The following PCDHGA8 variants were observed in gnomAD, a reference collection of about 807,000 sequenced individuals.
The protein encoded by PCDHGA8 is protocadherin gamma subfamily A, 8, also known as protocadherin gamma-A8.
PCDHGA8 carries 45 observed loss-of-function variants against 59.2 expected under a neutral mutation model. That is an observed-to-expected ratio of 0.76 (90% CI 0.60 to 0.98). PCDHGA8 has a LOEUF of 0.98. Among genes scored for constraint, PCDHGA8 ranks in the 50% least tolerant of loss-of-function variants. PCDHGA8 has a pLI of 0.00. For synonymous variants in PCDHGA8, 531 were observed against 519.0 expected (o/e 1.02, Z -0.32); for missense variants, 1,257 against 1,196.2 (o/e 1.05, Z -0.75).
At chr5:141,475,778 T>A (rs1204790631) in intron 1 of PCDHGA8, among the ~76,000 whole-genome samples, 1 of 152,400 alleles carries the variant, frequency 6.6e-6, no homozygotes. Context: ...GCGCTTTGGC[T>A]GGAAACTCTG....
At chr5:141,496,759 C>T (rs1287940646) in intron 2 of PCDHGA8, among the ~76,000 whole-genome samples, 2 of 152,038 alleles carry the variant, frequency 1.3e-5, no homozygotes, top group South Asian at 4.2e-4. Context: ...AAATATTTAT[C>T]GAGCATCTAC....
chr5:141,419,415 C>A, intron 1 of PCDHGA8: 2 of 1,613,434 alleles, frequency 1.2e-6, no homozygotes, highest in Non-Finnish European at 1.7e-6. Flanking sequence ...GCGCAGCGCG[C>A]CTTCGACCAC....
chr5:141,398,448 G>A lies in PCDHGA8; in HGVS notation c.2424+3211G>A, dbSNP rs1213915296. On this transcript the variant is annotated intron_variant, in intron 1 of 3. Coordinates refer to ENST00000398604, the MANE Select transcript of PCDHGA8 (RefSeq NM_032088.2). ...AGCCAGCTTGTGCTCTGGAATTTGAGGCTGTTGCTGAAAATCCACTGAACT... is the reference window on the plus strand; with the variant it reads ...AGCCAGCTTGTGCTCTGGAATTTGAAGCTGTTGCTGAAAATCCACTGAACT... 2.5e-6 allele frequency: 4 copies of A among 1,574,288 alleles called. No individual in the cohort carries two copies. In the Middle Eastern group the frequency reaches 5.2e-4, roughly 203 times the overall value.
At chr5:141,446,143 T>G (rs2098490523) in intron 1 of PCDHGA8, among the ~76,000 whole-genome samples, 1 of 152,204 alleles carries the variant, frequency 6.6e-6, no homozygotes, top group Admixed American at 6.5e-5. Flanking sequence ...AATAATGGAA[T>G]AGGTGGAATA....
intron 1 of PCDHGA8, among the ~76,000 whole-genome samples, chr5:141,463,135 C>T (rs1352400365): frequency 6.6e-6 from 1 of 152,246 alleles, no homozygotes; most frequent in Middle Eastern, 3.4e-3. Context: ...GGCAGTTCTT[C>T]GCCCAGCTGC....
chr5:141,477,191 A>C lies in PCDHGA8; in HGVS notation c.2425-17616A>C. 1 of 1,614,210 alleles carries C rather than the reference A, an allele frequency of 6.2e-7. No individual in the cohort carries two copies. The highest frequency in any genetic ancestry group is 1.1e-5 in the South Asian group (1 of 91,086). ...GGAGATCACAGTCACCTCCGTGTAC[A>C]GCCCAGTACCCGAGGATGCCCCTCT... On this transcript the variant is annotated intron_variant, in intron 1 of 3. Coordinates refer to ENST00000398604, the MANE Select transcript of PCDHGA8 (RefSeq NM_032088.2). This position sits in a 1 kb window ranked among gnomAD's most constrained non-coding sequence, Gnocchi z 4.9.
chr5:141,460,511 AT>A (rs937107682), intron 1 of PCDHGA8, among the ~76,000 whole-genome samples: 2 of 152,168 alleles, frequency 1.3e-5, no homozygotes, highest in African/African-American at 4.8e-5. Flanking sequence ...TGAGAAGGCT[AT>A]CTTTTCCCCA....
chr5:141,487,397 G>C lies in PCDHGA8; in HGVS notation c.2425-7410G>C. On this transcript the variant is annotated intron_variant, in intron 1 of 3. Coordinates refer to ENST00000398604, the MANE Select transcript of PCDHGA8 (RefSeq NM_032088.2). The surrounding 1 kb of genome is among the most constrained non-coding windows in gnomAD (Gnocchi z 5.0). ...TCTCACCAGATCTCGAAGGAGGGAG[G>C]GGCTTCCCCCTTCCAATGGGATCCT... The C allele has an allele frequency of 6.2e-7, 1 of 1,614,062 alleles. No homozygotes were observed. The highest frequency in any genetic ancestry group is 8.5e-7 in the Non-Finnish European group (1 of 1,180,008).
chr5:141,450,755 G>A (rs556795021), intron 1 of PCDHGA8, among the ~76,000 whole-genome samples: 8 of 152,040 alleles, frequency 5.3e-5, no homozygotes, highest in Admixed American at 1.3e-4. Context: ...CCAAAGTGCC[G>A]GGATTACAGG....
chr5:141,417,533 A>T (rs1253836392), intron 1 of PCDHGA8: 3 of 274,888 alleles, frequency 1.1e-5, no homozygotes, highest in African/African-American at 2.2e-5. Context: ...CTCGTAGTTT[A>T]AAAAAAATTC....
rs2099394683 is a variant in PCDHGA8, at chr5:141,476,602, C to G, written c.2425-18205C>G. 2.5e-6 allele frequency: 4 copies of G among 1,614,208 alleles called. No individual in the cohort carries two copies. The highest frequency in any genetic ancestry group is 2.2e-5 in the East Asian group (1 of 44,862). Reference sequence around the variant, plus strand: ...TTCCGCTCGAGAGCGCGCACGATCCCGATGTGGGAAGCAACTCTTTACAAA... The same window carrying G: ...TTCCGCTCGAGAGCGCGCACGATCCGGATGTGGGAAGCAACTCTTTACAAA... On this transcript the variant is annotated intron_variant, in intron 1 of 3. Transcript: ENST00000398604. This position sits in a 1 kb window ranked among gnomAD's most constrained non-coding sequence, Gnocchi z 7.6.
chr5:141,415,432 T>G, intron 1 of PCDHGA8: 1 of 1,614,222 alleles, frequency 6.2e-7, no homozygotes, highest in East Asian at 2.2e-5. Flanking sequence ...GGTTCGGGCT[T>G]TCCTGCAGAC....
In PCDHGA8 at chr5:141,477,825, C is replaced by A; in HGVS notation, c.2425-16982C>A. The A allele has an allele frequency of 2.5e-6, 4 of 1,614,174 alleles. No individual in the cohort carries two copies. The South Asian group carries it at 4.4e-5, about 18-fold the overall frequency. On this transcript the variant is annotated intron_variant, in intron 1 of 3. Transcript: ENST00000398604. This position sits in a 1 kb window ranked among gnomAD's most constrained non-coding sequence, Gnocchi z 4.9. ...GACAATGCCCCCCAGGTCCTATATC[C>A]TCGGCCAGGTGGGAGCTCGGTGGAG...
rs1224625072 is a variant in PCDHGA8 at position 141,490,972 on chromosome 5, C to A, written c.2425-3835C>A. On this transcript the variant is annotated intron_variant, in intron 1 of 3. Transcript: ENST00000398604. The surrounding 1 kb of genome is among the most constrained non-coding windows in gnomAD (Gnocchi z 5.4). ...AGACTGGGAACACTCAGCCCCCCAG[C>A]GTCTCCCTCGCTCTGCTCCTCCTGG... is the stretch of plus-strand genomic sequence containing the variant. 2 of 1,613,912 alleles carry A rather than the reference C, an allele frequency of 1.2e-6. No individual in the cohort carries two copies. Among genetic ancestry groups the A allele is most frequent in the Non-Finnish European group, 1.7e-6 (2 of 1,179,922 alleles).
Position 141,489,564 on chromosome 5 carries a change from G to A in PCDHGA8, c.2425-5243G>A, listed in dbSNP as rs375200685. The A allele has an allele frequency of 1.9e-6, 3 of 1,613,980 alleles. No homozygotes were observed. Among genetic ancestry groups the A allele is most frequent in the Non-Finnish European group, 1.7e-6 (2 of 1,180,020 alleles). On this transcript the variant is annotated intron_variant, in intron 1 of 3. Transcript: ENST00000398604. This position sits in a 1 kb window ranked among gnomAD's most constrained non-coding sequence, Gnocchi z 4.5. Reference sequence around the variant, plus strand: ...CCAGCTGCCTGCTGCCAGTGCAGGTGGTGACTGAACACCCCCTGGAGCTAA... The same window carrying A: ...CCAGCTGCCTGCTGCCAGTGCAGGTAGTGACTGAACACCCCCTGGAGCTAA...
Position 141,395,072 on chromosome 5 carries a change from T to C in PCDHGA8, c.2259T>C (p.Tyr753=). 1 of 1,614,148 alleles carries C rather than the reference T, an allele frequency of 6.2e-7. No individual in the cohort carries two copies. Among genetic ancestry groups the C allele is most frequent in the Non-Finnish European group, 8.5e-7 (1 of 1,180,020 alleles). The part of the protein sequence containing the change: ...VEEVQAFLQT[Y]SQEVSLTADS... ...AGGTACAGGCTTTCCTGCAGACCTA[T>C]TCCCAGGAAGTCTCCCTCACCGCCG... Residue 753 remains tyrosine (Y), a synonymous_variant, in exon 1 of 4, where the codon TAT becomes TAC. Transcript: ENST00000398604.
intron 1 of PCDHGA8, among the ~76,000 whole-genome samples, chr5:141,405,886 CCAACACTGAAAGGAGG>C (rs1168478788): frequency 1.3e-5 from 2 of 152,086 alleles, no homozygotes; most frequent in African/African-American, 4.8e-5. Context: ...AATTGTTGCT[CCAACACTGAAAGGAGG>C]CATTTATTAG....
chr5:141,490,205 C>A lies in PCDHGA8; in HGVS notation c.2425-4602C>A. 1 of 1,614,168 alleles carries A rather than the reference C, an allele frequency of 6.2e-7. No individual in the cohort carries two copies. The highest frequency in any genetic ancestry group is 8.5e-7 in the Non-Finnish European group (1 of 1,180,004). ...CGTTTCTATGAAATTCATGCAAGAG[C>A]CCGTGACCAGGGACAGCCTGCCATG... On this transcript the variant is annotated intron_variant, in intron 1 of 3. Transcript: ENST00000398604. This position sits in a 1 kb window ranked among gnomAD's most constrained non-coding sequence, Gnocchi z 5.4.
chr5:141,403,661 G>C (rs2094439419), intron 1 of PCDHGA8: 1 of 1,613,904 alleles, frequency 6.2e-7, no homozygotes, highest in Non-Finnish European at 8.5e-7. Context: ...GGATACAAAT[G>C]ATAATGCCCC....
Sources: allele counts gnomAD v4.1 joint callset (sites outside exome capture counted in the v4.1 genomes callset), GRCh38; gene constraint gnomAD v4.1.1; non-coding constraint Gnocchi (gnomAD v3.1); transcripts MANE v1.5; gene names NCBI Gene and HGNC (gene_info 2026-07-23, HGNC 2026-07-21).